Variants in SMCO4 observed in about 807,000 individuals in gnomAD.
SMCO4 encodes single-pass membrane protein with coiled-coil domains 4.
SMCO4 carries 4 observed loss-of-function variants against 3.6 expected under a neutral mutation model. The observed-to-expected ratio is 1.11, with a 90% CI of 0.54 to 2.53. The LOEUF is 2.53. SMCO4 is among the 30% of genes most tolerant of loss of function. The pLI, the probability that SMCO4 is intolerant of heterozygous loss-of-function variation, is 0.02. For missense variants in SMCO4, 70 were observed against 80.8 expected (o/e 0.87, Z 0.51); for synonymous variants, 36 against 35.3 (o/e 1.02, Z -0.07).
intron 1 of SMCO4, among the ~76,000 whole-genome samples, chr11:93,534,369 TATATATAG>T (rs1290322985): frequency 5.2e-4 from 52 of 99,728 alleles, no homozygotes; most frequent in East Asian, 1.9e-3. Flanking sequence ...TATATATATA[TATATATAG>T]AGAGAGAGAG....
chr11:93,550,613 T>C, the SMCO4 span, among the ~76,000 whole-genome samples: 3 of 152,226 alleles, frequency 2.0e-5, no homozygotes, highest in Admixed American at 2.0e-4. Context: ...AATTTGAGGC[T>C]ACAGTGAGCT....
At chr11:93,491,693 T>C (rs995253147) in intron 2 of SMCO4, among the ~76,000 whole-genome samples, 6 of 152,218 alleles carry the variant, frequency 3.9e-5, no homozygotes, top group African/African-American at 1.4e-4. Context: ...AATTTTAAAA[T>C]GTTATTTCTC....
rs1257958584 is a variant in SMCO4, at chr11:93,487,483, TAC to T, written c.-80-8216_-80-8215del. Among the ~76,000 whole-genome samples, 3 of 152,108 alleles carry T rather than the reference TAC, an allele frequency of 2.0e-5. No homozygotes were observed. The Middle Eastern group carries it at 0.01, about 517-fold the overall frequency. ...ATCATAGCTACAGACAGATAAAAGA[TAC>T]ACACACACACTTCTCATACCAAGGG... On this transcript the variant is annotated intron_variant, in intron 2 of 2. Coordinates refer to ENST00000298966, the MANE Select transcript of SMCO4 (RefSeq NM_020179.3).
chr11:93,524,251 C>G (rs1370560648), intron 1 of SMCO4, among the ~76,000 whole-genome samples: 1 of 152,180 alleles, frequency 6.6e-6, no homozygotes, highest in African/African-American at 2.4e-5. Context: ...GTAACCAGCT[C>G]AGGCTCACAA....
chr11:93,511,890 T>C (rs117317699), intron 1 of SMCO4, among the ~76,000 whole-genome samples: 3,754 of 152,324 alleles, frequency 0.025, 481 homozygotes, highest in Admixed American at 0.22. Context: ...GAGATGACCC[T>C]GGTAATTTTC....
In SMCO4 at chr11:93,478,492, T is replaced by C. The variant is rs1260963481; in HGVS notation, c.*518A>G. 1 of 152,596 alleles carries C rather than the reference T, an allele frequency of 6.6e-6. No homozygotes were observed. The highest frequency in any genetic ancestry group is 1.5e-5 in the Non-Finnish European group (1 of 68,346). 9.5% of individuals were successfully genotyped at this position (152,596 alleles called of 1,614,324 possible). On this transcript the variant is annotated 3_prime_UTR_variant, in exon 3 of 3. Coordinates refer to ENST00000298966, the MANE Select transcript of SMCO4 (RefSeq NM_020179.3). ...TCCAGTTTAAGGCTATTATCTCCTT[T>C]ATTCAAAAAATAAATATTTCACTTT...
At chr11:93,521,131 C>A (rs1000954376) in intron 1 of SMCO4, among the ~76,000 whole-genome samples, 11 of 152,232 alleles carry the variant, frequency 7.2e-5, no homozygotes, top group Non-Finnish European at 1.3e-4. Context: ...TTTTCTCTAA[C>A]TGGCAAAACC....
chr11:93,508,958 A>C (rs1342928131), intron 1 of SMCO4, among the ~76,000 whole-genome samples: 1 of 152,128 alleles, frequency 6.6e-6, no homozygotes, highest in Non-Finnish European at 1.5e-5. Context: ...ACCAATTAAG[A>C]ACAGAGGCCA....
chr11:93,532,500 C>G (rs560783089), intron 1 of SMCO4, among the ~76,000 whole-genome samples: 3 of 152,228 alleles, frequency 2.0e-5, no homozygotes, highest in Admixed American at 2.0e-4. Flanking sequence ...TGCCAGCCTT[C>G]CTTGTTCTCC....
At chr11:93,534,375 T>TAGAGAGAGAGAGAGAG (rs1555079957) in intron 1 of SMCO4, among the ~76,000 whole-genome samples, 23 of 142,128 alleles carry the variant, frequency 1.6e-4, no homozygotes, top group African/African-American at 5.5e-4. Flanking sequence ...TATATATATA[T>TAGAGAGAGAGAGAGAG]AGAGAGAGAG....
intron 2 of SMCO4, among the ~76,000 whole-genome samples, chr11:93,493,501 G>T (rs542419180): frequency 1.8e-4 from 27 of 152,294 alleles, no homozygotes; most frequent in African/African-American, 5.3e-4. Flanking sequence ...GCATACCCAT[G>T]CCTGTATGTT....
intron 1 of SMCO4, among the ~76,000 whole-genome samples, chr11:93,528,194 A>G (rs1565387549): frequency 6.6e-6 from 1 of 152,282 alleles, no homozygotes; most frequent in South Asian, 2.1e-4. Context: ...TTTCCTACAC[A>G]TAGATATTTC....
intron 1 of SMCO4, among the ~76,000 whole-genome samples, chr11:93,500,024 T>C (rs1032838414): frequency 6.6e-6 from 1 of 152,122 alleles, no homozygotes; most frequent in Non-Finnish European, 1.5e-5. Flanking sequence ...AAATAAGAGT[T>C]CCCTTGAAAG....
At chr11:93,541,585 T>C (rs1451248444) in intron 1 of SMCO4, among the ~76,000 whole-genome samples, 1 of 152,100 alleles carries the variant, frequency 6.6e-6, no homozygotes, top group Non-Finnish European at 1.5e-5. Flanking sequence ...GCTTGAAGAT[T>C]AAACAATAAG....
intron 1 of SMCO4, among the ~76,000 whole-genome samples, chr11:93,525,978 A>G (rs994386273): frequency 3.9e-5 from 6 of 152,332 alleles, no homozygotes; most frequent in African/African-American, 1.2e-4. Context: ...TCCTGCCAAC[A>G]GTTTATCCTC....
intron 1 of SMCO4, among the ~76,000 whole-genome samples, chr11:93,539,631 C>CA (rs1439589752): frequency 1.3e-5 from 2 of 152,196 alleles, no homozygotes; most frequent in African/African-American, 4.8e-5. Flanking sequence ...TCAGTCACAA[C>CA]AAACACCCTC....
chr11:93,513,893 C>T (rs192558199), intron 1 of SMCO4, among the ~76,000 whole-genome samples: 182 of 152,278 alleles, frequency 1.2e-3, no homozygotes, highest in African/African-American at 3.8e-3. Context: ...GTGGGGCTCC[C>T]GCCAAATGTC....
chr11:93,539,155 C>T (rs1055792852), intron 1 of SMCO4, among the ~76,000 whole-genome samples: 6 of 152,084 alleles, frequency 3.9e-5, no homozygotes, highest in African/African-American at 1.4e-4. Flanking sequence ...ACTGTGAGGA[C>T]CGAATCCAAG....
At chr11:93,538,402 G>A (rs1949245943) in intron 1 of SMCO4, among the ~76,000 whole-genome samples, 1 of 152,206 alleles carries the variant, frequency 6.6e-6, no homozygotes, top group Admixed American at 6.5e-5. Flanking sequence ...TGCCACCAGG[G>A]AAGAGGGGTG....
Sources: gnomAD v4.1 joint callset for allele counts (sites outside exome capture counted in the v4.1 genomes callset) on GRCh38, gnomAD v4.1.1 for gene constraint, MANE v1.5 for transcripts, NCBI Gene and HGNC (gene_info 2026-07-23, HGNC 2026-07-21) for gene names.